Variants in MS4A3 observed in about 807,000 individuals in gnomAD.
The protein encoded by MS4A3 is membrane spanning 4-domains A3, also known as membrane-spanning 4-domains subfamily A member 3.
Under a neutral mutation model 24.7 loss-of-function variants are expected in MS4A3, and 18 were observed. The observed-to-expected ratio is 0.73, with a 90% confidence interval of 0.50 to 1.08. The LOEUF (loss-of-function observed/expected upper bound fraction) is 1.08, where lower values mean the gene tolerates loss of function less well. Ranked by LOEUF, MS4A3 falls within the 50% of genes least tolerant of loss-of-function variation. The pLI is 0.00. For synonymous variants in MS4A3, 84 were observed against 95.3 expected (o/e 0.88, Z 0.69); for missense variants, 282 against 251.7 (o/e 1.12, Z -0.82).
chr11:60,057,253 A>T (rs1024055619), intron 1 of MS4A3, among the ~76,000 whole-genome samples: 5 of 152,228 alleles, frequency 3.3e-5, no homozygotes, highest in Admixed American at 6.5e-5. Context: ...GGATCATAGC[A>T]GTAGTACCCA....
rs1855269508 is a variant in MS4A3, at chr11:60,061,262, C to T, written c.102C>T (p.Tyr34=). Residue 34 remains tyrosine (Y), a synonymous_variant, in exon 2 of 7, where the codon TAC becomes TAT. Transcript: ENST00000278865. ...AGPEELNTSV[Y]QPIDGSPDYQ... ...CAGAAGAGCTGAATACTTCTGTCTA[C>T]CAGCCCATAGATGGATCACCAGATT... 2.5e-6 allele frequency: 4 copies of T among 1,613,698 alleles called. No homozygotes were observed. The highest frequency in any genetic ancestry group is 3.4e-6 in the Non-Finnish European group (4 of 1,179,888).
intron 2 of MS4A3, 157 bp downstream of exon 2, chr11:60,061,473 TCC>T (rs745408721): frequency 1.1e-4 from 85 of 797,750 alleles, no homozygotes; most frequent in Middle Eastern, 9.0e-4. Flanking sequence ...ACCCCTGCTC[TCC>T]CTCTTCTTCC....
At chr11:60,068,454 G>C (rs888194897) in intron 5 of MS4A3, among the ~76,000 whole-genome samples, 1 of 140,100 alleles carries the variant, frequency 7.1e-6, no homozygotes, top group Non-Finnish European at 1.5e-5. Flanking sequence ...GGGTTTCACT[G>C]TGTTAGCCAG....
At chr11:60,061,476 C>A in intron 2 of MS4A3, 160 bp downstream of exon 2, 1 of 792,026 alleles carries the variant, frequency 1.3e-6, no homozygotes, top group African/African-American at 1.7e-5. Flanking sequence ...CCTGCTCTCC[C>A]TCTTCTTCCT....
chr11:60,064,067 C>CTAAATAAA (rs58312985), intron 3 of MS4A3, among the ~76,000 whole-genome samples, 195 bp from the exon 4 acceptor site: 6,824 of 147,406 alleles, frequency 0.046, 184 homozygotes, highest in Middle Eastern at 0.067. Context: ...CATGGAAAGA[C>CTAAATAAA]TAAATAAATA....
At position 60,067,063 on chromosome 11, in the gene MS4A3, C is replaced by T. The variant is rs1855373470; in HGVS notation, c.464C>T (p.Ser155Phe). The change falls in exon 5 of 7, where the codon TCT becomes TTT. Residue 155 changes from serine to phenylalanine, a missense_variant. By Grantham distance (155) the Ser-to-Phe change is radical. Coordinates refer to ENST00000278865, the MANE Select transcript of MS4A3 (RefSeq NM_006138.5). ...VNIQSLRSCH[S>F]SSESPDLCNY... ...ATCCAGTCATTAAGGAGTTGTCACT[C>T]TTCATCAGAGTCACCGGACCTATGC... 1.2e-6 allele frequency: 2 copies of T among 1,613,146 alleles called. No individual in the cohort carries two copies. The highest frequency in any genetic ancestry group is 1.7e-6 in the Non-Finnish European group (2 of 1,179,802).
At chr11:60,057,664 A>G (rs1855194261) in intron 1 of MS4A3, among the ~76,000 whole-genome samples, 1 of 152,136 alleles carries the variant, frequency 6.6e-6, no homozygotes, top group East Asian at 1.9e-4. Context: ...TCTGCCTCCC[A>G]AAGTGCTGGG....
At chr11:60,066,207 C>A (rs1855358721) in intron 4 of MS4A3, among the ~76,000 whole-genome samples, 1 of 152,192 alleles carries the variant, frequency 6.6e-6, no homozygotes, top group Admixed American at 6.5e-5. Context: ...CTTTTCTTAT[C>A]TTTCTATTGA....
intron 4 of MS4A3, among the ~76,000 whole-genome samples, chr11:60,065,457 C>T (rs1855345611): frequency 6.6e-6 from 1 of 152,168 alleles, no homozygotes; most frequent in South Asian, 2.1e-4. Flanking sequence ...TAGGGACAGG[C>T]ACAATTTGTA....
chr11:60,069,268 T>G (rs1171019826), intron 5 of MS4A3, among the ~76,000 whole-genome samples: 1 of 152,246 alleles, frequency 6.6e-6, no homozygotes, highest in African/African-American at 2.4e-5. Flanking sequence ...TTTACTACTA[T>G]TCAGATTGGA....
intron 1 of MS4A3, among the ~76,000 whole-genome samples, chr11:60,059,555 C>T (rs1344521817): frequency 6.6e-6 from 1 of 152,110 alleles, no homozygotes; most frequent in Admixed American, 6.6e-5. Flanking sequence ...CTCTGATAAT[C>T]TCCAGTTGTT....
At chr11:60,063,769 G>GA (rs1449525504) in intron 3 of MS4A3, among the ~76,000 whole-genome samples, 1 of 152,170 alleles carries the variant, frequency 6.6e-6, no homozygotes, top group Non-Finnish European at 1.5e-5. Flanking sequence ...CTCAGGAGTG[G>GA]AAAATCAAAC....
intron 4 of MS4A3, 70 bp downstream of exon 4, chr11:60,064,388 T>A: frequency 8.5e-7 from 1 of 1,177,926 alleles, no homozygotes; most frequent in Non-Finnish European, 1.2e-6. Context: ...AGTAGGACAG[T>A]AAGTGTCCAT....
chr11:60,056,900 T>C (rs1565059792), intron 1 of MS4A3, among the ~76,000 whole-genome samples, 160 bp downstream of exon 1: 1 of 152,220 alleles, frequency 6.6e-6, no homozygotes. Flanking sequence ...TAGGATGTGA[T>C]GATTCCTTTG....
At chr11:60,059,497 C>A (rs946765744) in intron 1 of MS4A3, among the ~76,000 whole-genome samples, 4 of 152,088 alleles carry the variant, frequency 2.6e-5, no homozygotes, top group African/African-American at 9.7e-5. Context: ...CACCCAGGTA[C>A]TAAGCCTAGT....
chr11:60,057,714 A>AT (rs1471863172), intron 1 of MS4A3, among the ~76,000 whole-genome samples: 5 of 152,242 alleles, frequency 3.3e-5, no homozygotes, highest in East Asian at 1.9e-4. Flanking sequence ...CATTTCTCTG[A>AT]TTTTTTTAAA....
intron 6 of MS4A3, 50 bp downstream of exon 6, chr11:60,069,725 G>C: frequency 7.1e-7 from 1 of 1,405,134 alleles, no homozygotes; most frequent in Non-Finnish European, 1.0e-6. Flanking sequence ...AAGCCTCCCT[G>C]TAGGGTTTGA....
intron 5 of MS4A3, among the ~76,000 whole-genome samples, chr11:60,068,763 T>C (rs917296207): frequency 6.6e-6 from 1 of 152,188 alleles, no homozygotes; most frequent in Admixed American, 6.5e-5. Flanking sequence ...TTCAGGTTTG[T>C]TACATATGTA....
At chr11:60,063,136 A>T (rs1394364169) in intron 3 of MS4A3, among the ~76,000 whole-genome samples, 1 of 152,204 alleles carries the variant, frequency 6.6e-6, no homozygotes, top group African/African-American at 2.4e-5. Flanking sequence ...CACATTTGCC[A>T]AGTACAAATG....
Sources: allele counts gnomAD v4.1 joint callset (sites outside exome capture counted in the v4.1 genomes callset), GRCh38; gene constraint gnomAD v4.1.1; transcripts MANE v1.5; gene names NCBI Gene and HGNC (gene_info 2026-07-23, HGNC 2026-07-21).